The following TBCD variants were observed in gnomAD, a reference collection of about 807,000 sequenced individuals.
The protein encoded by TBCD is tubulin-specific chaperone D.
In TBCD, 105 loss-of-function variants were observed where a neutral mutation model predicts 169.3. That is an observed-to-expected ratio of 0.62 (90% CI 0.53 to 0.73). TBCD has a LOEUF of 0.73. TBCD is among the 30% of genes least tolerant of loss of function. The pLI is 0.00. For missense variants in TBCD, 1,444 were observed against 1,600.1 expected, an observed-to-expected ratio of 0.90 and a Z score of 1.66; for synonymous variants, 700 against 643.9, an observed-to-expected ratio of 1.09 and a Z score of -1.32.
At chr17:82,932,854 G>C (rs1012680257) in intron 34 of TBCD, 119 bp downstream of exon 34, 2 of 996,188 alleles carry the variant, frequency 2.0e-6, no homozygotes, top group African/African-American at 3.2e-5. Flanking sequence ...AGTGCGTTCT[G>C]GGTCAGTTAT....
intron 7 of TBCD, among the ~76,000 whole-genome samples, chr17:82,788,102 G>A (rs2049439399): frequency 6.6e-6 from 1 of 152,152 alleles, no homozygotes; most frequent in African/African-American, 2.4e-5. Context: ...GTTGGGCATG[G>A]TGGTGCGCGC....
At chr17:82,802,382 T>C (rs1055198099) in intron 9 of TBCD, among the ~76,000 whole-genome samples, 10 of 152,086 alleles carry the variant, frequency 6.6e-5, no homozygotes, top group Admixed American at 1.3e-4. Flanking sequence ...CAGTGTTGGG[T>C]GTGCAGCTCA....
Position 82,930,234 on chromosome 17 carries a change from G to A in TBCD, c.2992-288G>A, listed in dbSNP as rs779660190. 1.8e-5 allele frequency: 8 copies of A among 436,162 alleles called. No individual in the cohort carries two copies. Among genetic ancestry groups the A allele is most frequent in the Non-Finnish European group, 2.5e-5 (6 of 242,340 alleles). The allele number at this position is 436,162 out of a possible 1,614,324, so 27.0% of individuals were successfully genotyped here. A position where few individuals can be genotyped will look rare whatever the true frequency, so the allele number is the denominator to read the frequency against. On this transcript the variant is annotated intron_variant, in intron 32 of 38. Transcript: ENST00000355528. This position sits in a 1 kb window ranked among gnomAD's most constrained non-coding sequence, Gnocchi z 5.2. The stretch of plus-strand genomic sequence containing the variant: ...TCCCGCTTCAGTGGGAAACGTGAGC[G>A]AAACCCAAGGTGAGTGGCCGCAGCC...
chr17:82,764,706 T>C (rs953957670), intron 3 of TBCD, among the ~76,000 whole-genome samples: 1 of 152,280 alleles, frequency 6.6e-6, no homozygotes. Context: ...TGCTGTGCTA[T>C]AGATTTTGAG....
chr17:82,832,458 C>A lies in TBCD; in HGVS notation c.1318+17524C>A. ...TCCGCTCTTTGAGGAGACTCATTTT[C>A]CTCCTTATGCCTTGGACTCTGGCTG... On this transcript the variant is annotated intron_variant, in intron 13 of 38. Transcript: ENST00000355528. This position sits in a 1 kb window ranked among gnomAD's most constrained non-coding sequence, Gnocchi z 4.9. 1 of 1,607,774 alleles carries A rather than the reference C, an allele frequency of 6.2e-7. No individual in the cohort carries two copies.
At chr17:82,765,981 TA>T (rs2143989822) in intron 3 of TBCD, among the ~76,000 whole-genome samples, 2 of 152,278 alleles carry the variant, frequency 1.3e-5, no homozygotes, top group African/African-American at 4.8e-5. Flanking sequence ...GTCTAATTTT[TA>T]ATTTTTTATG....
intron 34 of TBCD, among the ~76,000 whole-genome samples, chr17:82,936,891 G>A (rs894023057): frequency 3.9e-5 from 6 of 152,172 alleles, no homozygotes; most frequent in Non-Finnish European, 5.9e-5. Flanking sequence ...AGTTTCCCCC[G>A]GCTCTGCAGC....
At chr17:82,861,235 T>C (rs1002660593) in intron 13 of TBCD, among the ~76,000 whole-genome samples, 1 of 151,998 alleles carries the variant, frequency 6.6e-6, no homozygotes, top group African/African-American at 2.4e-5. Flanking sequence ...TGCCAGGCGT[T>C]GGGCTTGGGA....
chr17:82,814,349 C>T (rs1833725758), intron 12 of TBCD, among the ~76,000 whole-genome samples: 1 of 152,184 alleles, frequency 6.6e-6, no homozygotes, highest in South Asian at 2.1e-4. Flanking sequence ...AGCGACACCA[C>T]TGTGGTGGGA....
Position 82,776,734 on chromosome 17 carries a change from G to C in TBCD, c.638+4227G>C, listed in dbSNP as rs539596862. Among the ~76,000 whole-genome samples, 5 of 152,282 alleles carry C rather than the reference G, an allele frequency of 3.3e-5. No homozygotes were observed. In the East Asian group the frequency reaches 9.6e-4, roughly 29 times the overall value. On this transcript the variant is annotated intron_variant, in intron 6 of 38. Coordinates refer to ENST00000355528, the MANE Select transcript of TBCD (RefSeq NM_005993.5). ...ATTGTTTCGTGAGGATGGGCCCTTA[G>C]AGATGGACTTCTGGGTTCCAGGACA... is the stretch of plus-strand genomic sequence containing the variant.
intron 13 of TBCD, among the ~76,000 whole-genome samples, chr17:82,852,266 G>A (rs897385579): frequency 1.3e-5 from 2 of 151,858 alleles, no homozygotes; most frequent in Non-Finnish European, 2.9e-5. Flanking sequence ...TCCTTGCCCC[G>A]AGCGTGGCGT....
intron 1 of TBCD, among the ~76,000 whole-genome samples, chr17:82,753,467 T>G (rs1323473832): frequency 7.6e-6 from 1 of 130,858 alleles, no homozygotes; most frequent in Non-Finnish European, 1.7e-5. Flanking sequence ...TTTTTTTTTT[T>G]TTGATACGAA....
At chr17:82,798,194 T>G (rs1355370384) in intron 8 of TBCD, among the ~76,000 whole-genome samples, 1 of 150,932 alleles carries the variant, frequency 6.6e-6, no homozygotes, top group Non-Finnish European at 1.5e-5. Context: ...TCGCCCAGGC[T>G]GGAGTGCAGT....
At chr17:82,908,789 C>T (rs1243104636) in intron 21 of TBCD, among the ~76,000 whole-genome samples, 5 of 152,262 alleles carry the variant, frequency 3.3e-5, no homozygotes, top group Middle Eastern at 3.4e-3. Flanking sequence ...GTAATAGAGC[C>T]GATCTCCTTG....
rs1428136378 is a variant in TBCD, at chr17:82,831,895, G to A, written c.1318+16961G>A. 6.2e-7 allele frequency: 1 copy of A among 1,614,200 alleles called. No individual in the cohort carries two copies. The highest frequency in any genetic ancestry group is 1.7e-5 in the Admixed American group (1 of 60,030). On this transcript the variant is annotated intron_variant, in intron 13 of 38. Transcript: ENST00000355528. The surrounding 1 kb of genome is among the most constrained non-coding windows in gnomAD (Gnocchi z 4.6). ...GTGGAAAGACACGGCCTTGGCAGTG[G>A]GGTTGTGTAAAGCCAGTGTCTCGGG...
At chr17:82,822,098 CTG>C in intron 13 of TBCD, among the ~76,000 whole-genome samples, 1 of 152,336 alleles carries the variant, frequency 6.6e-6, no homozygotes, top group Middle Eastern at 3.4e-3. Flanking sequence ...CACCTGTGGA[CTG>C]TGTTTTCTGG....
intron 6 of TBCD, among the ~76,000 whole-genome samples, chr17:82,775,901 A>T (rs1467379051): frequency 6.6e-6 from 1 of 152,148 alleles, no homozygotes; most frequent in East Asian, 1.9e-4. Context: ...TAATAAAAAA[A>T]TTAAAAAAAA....
At chr17:82,826,335 A>C (rs1305291474) in intron 13 of TBCD, among the ~76,000 whole-genome samples, 1 of 152,218 alleles carries the variant, frequency 6.6e-6, no homozygotes, top group African/African-American at 2.4e-5. Context: ...TGACCAAAAC[A>C]ACATAAAATA....
chr17:82,779,269 G>C (rs561118303), intron 6 of TBCD, among the ~76,000 whole-genome samples: 1 of 152,088 alleles, frequency 6.6e-6, no homozygotes, highest in East Asian at 1.9e-4. Flanking sequence ...CTCCCAAAGT[G>C]CTGGGATTAC....
Sources: allele counts gnomAD v4.1 joint callset (sites outside exome capture counted in the v4.1 genomes callset), GRCh38; gene constraint gnomAD v4.1.1; non-coding constraint Gnocchi (gnomAD v3.1); transcripts MANE v1.5; gene names NCBI Gene and HGNC (gene_info 2026-07-23, HGNC 2026-07-21).